Variants in PAFAH1B2 observed in about 807,000 individuals in gnomAD.
PAFAH1B2 encodes platelet-activating factor acetylhydrolase IB subunit alpha2.
PAFAH1B2 carries 8 observed loss-of-function variants against 28.0 expected under a neutral mutation model. The ratio of observed to expected loss-of-function variants is 0.29; its 90% CI spans 0.17 to 0.52. The LOEUF (loss-of-function observed/expected upper bound fraction) is 0.52. Ranked by LOEUF, PAFAH1B2 falls within the 20% of genes least tolerant of loss-of-function variation. PAFAH1B2 has a pLI of 0.97. For missense variants in PAFAH1B2, 190 were observed against 282.6 expected (o/e 0.67, Z 2.35); for synonymous variants, 104 against 103.2 (o/e 1.01, Z -0.05).
At chr11:117,163,070 T>C (rs553973665) in intron 4 of PAFAH1B2, among the ~76,000 whole-genome samples, 2 of 152,374 alleles carry the variant, frequency 1.3e-5, no homozygotes, top group East Asian at 3.9e-4. Flanking sequence ...TGCTGCATGA[T>C]GATATAATTC....
At chr11:117,145,718 C>T (rs1350634548) in intron 1 of PAFAH1B2, among the ~76,000 whole-genome samples, 2 of 152,186 alleles carry the variant, frequency 1.3e-5, no homozygotes, top group African/African-American at 4.8e-5. Flanking sequence ...AATAACCATA[C>T]CCACTCCCTC....
At position 117,169,648 on chromosome 11, in the gene PAFAH1B2, CAG is replaced by C. The variant is rs1956604027; in HGVS notation, c.*1951_*1952del. On this transcript the variant is annotated 3_prime_UTR_variant, in exon 6 of 6. Coordinates refer to ENST00000527958, the MANE Select transcript of PAFAH1B2 (RefSeq NM_002572.4). ...GAATGTATCATGTCTTCATTAACAACAGAAAATCCACATGGTGTTTACTAAAC... is the reference window on the plus strand; with the variant it reads ...GAATGTATCATGTCTTCATTAACAACAAAATCCACATGGTGTTTACTAAAC... 5.7e-6 allele frequency: 6 copies of C among 1,052,228 alleles called. No homozygotes were observed. The highest frequency in any genetic ancestry group is 3.4e-6 in the Non-Finnish European group (3 of 870,276). The allele number at this position is 1,052,228 out of a possible 1,614,324, so 65.2% of individuals were successfully genotyped here.
At chr11:117,163,580 G>A (rs1489977007) in intron 4 of PAFAH1B2, among the ~76,000 whole-genome samples, 190 bp from the exon 5 acceptor site, 1 of 152,036 alleles carries the variant, frequency 6.6e-6, no homozygotes, top group African/African-American at 2.4e-5. Context: ...GGCTGAGGCA[G>A]GAGAATCACT....
At position 117,163,912 on chromosome 11, in the gene PAFAH1B2, TAG is replaced by T. The variant is rs756648878; in HGVS notation, c.411+25_411+26del. ...GTATTGGTATGTAGTCGTTGGTGGG[TAG>T]AGAGTTTGTTATCTTTAGGTCAGCT... On this transcript the variant is annotated intron_variant, in intron 5 of 5. Transcript: ENST00000527958. 30 of 1,610,894 alleles carry T rather than the reference TAG, an allele frequency of 1.9e-5. No individual in the cohort carries two copies. Among genetic ancestry groups the T allele is most frequent in the Non-Finnish European group, 2.5e-5 (29 of 1,178,254 alleles).
intron 2 of PAFAH1B2, among the ~76,000 whole-genome samples, chr11:117,155,756 T>C (rs1327298970): frequency 6.6e-6 from 1 of 152,016 alleles, no homozygotes; most frequent in Non-Finnish European, 1.5e-5. Context: ...GGCAAGTCTG[T>C]CCACAGGAAG....
chr11:117,172,404 ATTTTTTTTTTTTTTT>A (rs375747711), downstream of PAFAH1B2, among the ~76,000 whole-genome samples: 33 of 8,682 alleles, frequency 3.8e-3, no homozygotes, highest in Non-Finnish European at 5.7e-3. Flanking sequence ...ATATATATAT[ATTTTTTTTTTTTTTT>A]TTTTTTTTTT....
chr11:117,167,548 T>C lies in PAFAH1B2; in HGVS notation c.539T>C (p.Val180Ala). The C allele has an allele frequency of 6.2e-7, 1 of 1,613,322 alleles. No individual in the cohort carries two copies. The highest frequency in any genetic ancestry group is 8.5e-7 in the Non-Finnish European group (1 of 1,179,606). The change falls in exon 6 of 6, where the codon GTG becomes GCG. Residue 180 changes from valine to alanine, a missense_variant. By Grantham distance (64) the Val-to-Ala change is moderately conservative. Transcript: ENST00000527958. ...VQLLDTDGGF[V>A]HSDGAISCHD... ...CTCCTGGATACCGACGGGGGTTTTG[T>C]GCACTCGGACGGTGCCATCTCCTGC... is the stretch of plus-strand genomic sequence containing the variant.
chr11:117,168,325 C>T lies in PAFAH1B2; in HGVS notation c.*626C>T. On this transcript the variant is annotated 3_prime_UTR_variant, in exon 6 of 6. Coordinates refer to ENST00000527958, the MANE Select transcript of PAFAH1B2 (RefSeq NM_002572.4). Reference sequence around the variant, plus strand: ...CAGGTTTTGCCCCAGTAGAGGGATTCTTTGGAGGGTATTATTTTTTATGCT... The same window carrying T: ...CAGGTTTTGCCCCAGTAGAGGGATTTTTTGGAGGGTATTATTTTTTATGCT... The T allele has an allele frequency of 1.9e-6, 2 of 1,063,068 alleles. No individual in the cohort carries two copies. Among genetic ancestry groups the T allele is most frequent in the Non-Finnish European group, 2.3e-6 (2 of 878,156 alleles). 65.9% of individuals were successfully genotyped at this position (1,063,068 alleles called of 1,614,324 possible).
At position 117,160,809 on chromosome 11, in the gene PAFAH1B2, C is replaced by CT. The variant is rs201741845; in HGVS notation, c.172-335dup. 6.5e-3 allele frequency among the ~76,000 whole-genome samples: 980 copies of CT among 149,986 alleles called. 8 individuals carry two copies. Among genetic ancestry groups the CT allele is most frequent in the African/African-American group, 0.022 (915 of 40,760 alleles). ...TTTTTTTTTTTTAAGCTCTAGCACT[C>CT]TAAATTTCTTCATCTCTTGTTTCTA... is the stretch of plus-strand genomic sequence containing the variant. On this transcript the variant is annotated intron_variant, in intron 3 of 5. Transcript: ENST00000527958.
intron 5 of PAFAH1B2, chr11:117,164,269 T>A (rs1157306934): frequency 6.4e-6 from 1 of 156,886 alleles, no homozygotes; most frequent in Non-Finnish European, 1.4e-5. Context: ...TAGCCGGGTG[T>A]GGTGGCAGGC....
intron 5 of PAFAH1B2, among the ~76,000 whole-genome samples, chr11:117,164,679 G>T (rs1005292420): frequency 6.6e-6 from 1 of 152,114 alleles, no homozygotes; most frequent in African/African-American, 2.4e-5. Context: ...CTACCCTTTT[G>T]TAGAATTAAA....
rs1453227454 is a variant in PAFAH1B2 at position 117,170,078 on chromosome 11, T to C, written c.*2379T>C. Reference sequence around the variant, plus strand: ...CTGCCCCATTACTGATGTGCAGATATTGAGTTCACTTTCATTTTTTGCCAG... The same window carrying C: ...CTGCCCCATTACTGATGTGCAGATACTGAGTTCACTTTCATTTTTTGCCAG... On this transcript the variant is annotated 3_prime_UTR_variant, in exon 6 of 6. Coordinates refer to ENST00000527958, the MANE Select transcript of PAFAH1B2 (RefSeq NM_002572.4). The C allele has an allele frequency of 1.6e-5, 17 of 1,055,788 alleles. No homozygotes were observed. Among genetic ancestry groups the C allele is most frequent in the Admixed American group, 5.4e-5 (1 of 18,404 alleles). 65.4% of individuals were successfully genotyped at this position (1,055,788 alleles called of 1,614,324 possible).
At chr11:117,156,129 A>ATCTCAAACT (rs1956249837) in intron 2 of PAFAH1B2, among the ~76,000 whole-genome samples, 1 of 152,198 alleles carries the variant, frequency 6.6e-6, no homozygotes, top group Non-Finnish European at 1.5e-5. Flanking sequence ...TTGAGACTGT[A>ATCTCAAACT]GTAAGCTGTG....
In PAFAH1B2 at chr11:117,170,086, A is replaced by G; in HGVS notation, c.*2387A>G. The G allele has an allele frequency of 9.5e-7, 1 of 1,056,052 alleles. No individual in the cohort carries two copies. The highest frequency in any genetic ancestry group is 1.1e-6 in the Non-Finnish European group (1 of 873,556). The allele number at this position is 1,056,052 out of a possible 1,614,324, so 65.4% of individuals were successfully genotyped here. ...TTACTGATGTGCAGATATTGAGTTC[A>G]CTTTCATTTTTTGCCAGATTTCTTT... On this transcript the variant is annotated 3_prime_UTR_variant, in exon 6 of 6. Transcript: ENST00000527958.
intron 3 of PAFAH1B2, 59 bp from the exon 4 acceptor site, chr11:117,161,086 C>T (rs531194362): frequency 5.7e-6 from 6 of 1,055,842 alleles, no homozygotes; most frequent in Admixed American, 4.6e-5. Context: ...ACATTGCAGT[C>T]GAAAGATTAA....
intron 2 of PAFAH1B2, among the ~76,000 whole-genome samples, chr11:117,157,308 T>G (rs967390494): frequency 6.7e-6 from 1 of 149,246 alleles, no homozygotes; most frequent in Non-Finnish European, 1.5e-5. Flanking sequence ...ATATATAGTT[T>G]GTTTGTTTGT....
At chr11:117,150,460 T>G (rs77933981) in intron 1 of PAFAH1B2, among the ~76,000 whole-genome samples, 3 of 130,076 alleles carry the variant, frequency 2.3e-5, no homozygotes, top group Non-Finnish European at 3.0e-5. Context: ...GATGATGTTG[T>G]TTTTTTTTTT....
chr11:117,168,446 G>GGTTGTTTTTTTTTTTTTTTTTTTTTT lies in PAFAH1B2; in HGVS notation c.*747_*748insGTTGTTTTTTTTTTTTTTTTTTTTTT. On this transcript the variant is annotated 3_prime_UTR_variant, in exon 6 of 6. Transcript: ENST00000527958. ...TCCCCTTCATTCCCCCCGCCACCCC[G>GGTTGTTTTTTTTTTTTTTTTTTTTTT]TTTTTTTTTTTTTTTTTTTTTTTTT... is the stretch of plus-strand genomic sequence containing the variant. 3.0e-5 allele frequency: 7 copies of GGTTGTTTTTTTTTTTTTTTTTTTTTT among 234,818 alleles called. No individual in the cohort carries two copies. Among genetic ancestry groups the GGTTGTTTTTTTTTTTTTTTTTTTTTT allele is most frequent in the Non-Finnish European group, 3.5e-5 (7 of 200,706 alleles). 14.5% of individuals were successfully genotyped at this position (234,818 alleles called of 1,614,324 possible).
At chr11:117,158,074 G>T (rs1201463235) in intron 2 of PAFAH1B2, among the ~76,000 whole-genome samples, 1 of 152,182 alleles carries the variant, frequency 6.6e-6, no homozygotes, top group African/African-American at 2.4e-5. Context: ...GGAGGTGGAG[G>T]TTGCAGTGAG....
Sources: allele counts gnomAD v4.1 joint callset (sites outside exome capture counted in the v4.1 genomes callset), GRCh38; gene constraint gnomAD v4.1.1; transcripts MANE v1.5; gene names NCBI Gene and HGNC (gene_info 2026-07-23, HGNC 2026-07-21).